DCLK2: variants seen among roughly 807,000 people sequenced by gnomAD.
The protein encoded by DCLK2 is serine/threonine-protein kinase DCLK2.
In DCLK2, 31 loss-of-function variants were observed where a neutral mutation model predicts 78.4. That is an observed-to-expected ratio of 0.40 (90% CI 0.30 to 0.53). The LOEUF (loss-of-function observed/expected upper bound fraction) is 0.53, where lower values mean the gene tolerates loss of function less well. DCLK2 is among the 20% of genes least tolerant of loss of function. The probability of loss-of-function intolerance (pLI) is 0.61; values close to 1 mark genes in which losing one functional copy is unlikely to be tolerated. For missense variants in DCLK2, 872 were observed against 973.7 expected, an observed-to-expected ratio of 0.90 and a Z score of 1.39; for synonymous variants, 407 against 374.9, an observed-to-expected ratio of 1.09 and a Z score of -0.99.
chr4:150,140,250 GA>G (rs1254163075), intron 2 of DCLK2, among the ~76,000 whole-genome samples: 4 of 152,190 alleles, frequency 2.6e-5, no homozygotes, highest in African/African-American at 9.7e-5. Flanking sequence ...TTGTTATTAT[GA>G]TACCTTATTC....
intron 2 of DCLK2, among the ~76,000 whole-genome samples, chr4:150,178,542 AAT>A (rs1381566772): frequency 2.0e-5 from 3 of 152,038 alleles, no homozygotes; most frequent in Admixed American, 2.0e-4. Context: ...AAAAAAAAAA[AAT>A]CTTATTGCTT....
intron 2 of DCLK2, among the ~76,000 whole-genome samples, chr4:150,152,660 G>T (rs770063947): frequency 3.3e-5 from 5 of 152,176 alleles, no homozygotes; most frequent in Non-Finnish European, 7.3e-5. Flanking sequence ...CCCATGTACT[G>T]CCCTGAGAGA....
At chr4:150,173,809 G>C (rs1049302649) in intron 2 of DCLK2, among the ~76,000 whole-genome samples, 2 of 152,134 alleles carry the variant, frequency 1.3e-5, no homozygotes, top group Non-Finnish European at 2.9e-5. Context: ...AGAGAAAAGA[G>C]AGCCAAGCCA....
intron 4 of DCLK2, among the ~76,000 whole-genome samples, chr4:150,203,300 A>G (rs991200611): frequency 6.6e-6 from 1 of 152,228 alleles, no homozygotes; most frequent in African/African-American, 2.4e-5. Context: ...TTCCCTTTTC[A>G]TTAAGAAAAT....
intron 1 of DCLK2, among the ~76,000 whole-genome samples, chr4:150,081,566 A>G (rs1381035742): frequency 6.6e-6 from 1 of 152,194 alleles, no homozygotes; most frequent in Non-Finnish European, 1.5e-5. Flanking sequence ...TTTTAATACA[A>G]TAAAATTACT....
chr4:150,174,609 G>C (rs1272532548), intron 2 of DCLK2, among the ~76,000 whole-genome samples: 1 of 151,902 alleles, frequency 6.6e-6, no homozygotes, highest in East Asian at 1.9e-4. Flanking sequence ...GGATCACGAG[G>C]TCAGGAGTTC....
chr4:150,123,038 G>A (rs955440435), intron 2 of DCLK2, among the ~76,000 whole-genome samples: 4 of 152,200 alleles, frequency 2.6e-5, no homozygotes, highest in African/African-American at 9.6e-5. Context: ...GAATGTTGTA[G>A]CTGGATTGAT....
chr4:150,116,105 C>A (rs1732066643), intron 2 of DCLK2, among the ~76,000 whole-genome samples: 2 of 152,178 alleles, frequency 1.3e-5, no homozygotes, highest in Admixed American at 1.3e-4. Context: ...AGGCATGTTG[C>A]TGTTCTATGT....
intron 12 of DCLK2, among the ~76,000 whole-genome samples, chr4:150,245,637 G>A (rs1417686825): frequency 3.9e-5 from 6 of 152,142 alleles, no homozygotes; most frequent in South Asian, 4.2e-4. Context: ...TTGTCCTTGC[G>A]ATAGTTTGCT....
intron 15 of DCLK2, among the ~76,000 whole-genome samples, chr4:150,255,602 TGCGGG>T (rs1744501361): frequency 1.3e-5 from 2 of 152,240 alleles, no homozygotes; most frequent in Non-Finnish European, 2.9e-5. Context: ...TCACAGGACA[TGCGGG>T]TAACTTTTCA....
At chr4:150,143,013 A>G (rs1734217791) in intron 2 of DCLK2, among the ~76,000 whole-genome samples, 1 of 152,060 alleles carries the variant, frequency 6.6e-6, no homozygotes, top group Non-Finnish European at 1.5e-5. Context: ...GCTCCCACTT[A>G]TAAGTGAGAA....
intron 2 of DCLK2, among the ~76,000 whole-genome samples, chr4:150,165,454 A>G (rs936995312): frequency 1.3e-4 from 20 of 152,022 alleles, no homozygotes; most frequent in South Asian, 1.0e-3. Context: ...ATTTGCTCCA[A>G]TTGCTAAAGA....
intron 2 of DCLK2, among the ~76,000 whole-genome samples, chr4:150,163,631 T>A (rs1285575832): frequency 1.3e-5 from 2 of 152,200 alleles, no homozygotes; most frequent in Non-Finnish European, 2.9e-5. Context: ...TTAAATAAGA[T>A]ACTATCTAGA....
chr4:150,199,804 G>A lies in DCLK2; in HGVS notation c.961+1701G>A, dbSNP rs559302485. ...GACCTGGGTTAATCAAAGAGTAGATGTAGTTTTGGTGATAGCTTTACAGAT... is the reference window on the plus strand; with the variant it reads ...GACCTGGGTTAATCAAAGAGTAGATATAGTTTTGGTGATAGCTTTACAGAT... On this transcript the variant is annotated intron_variant, in intron 4 of 15. Coordinates refer to ENST00000296550, the MANE Select transcript of DCLK2 (RefSeq NM_001040260.4). Among the ~76,000 whole-genome samples, 98 of 152,316 alleles carry A rather than the reference G, an allele frequency of 6.4e-4. 2 individuals are homozygous for A. Among genetic ancestry groups the A allele is most frequent in the African/African-American group, 2.2e-3 (92 of 41,570 alleles).
In DCLK2 at chr4:150,094,983, C is replaced by T. The variant is rs541484546; in HGVS notation, c.422-7495C>T. On this transcript the variant is annotated intron_variant, in intron 1 of 15. Coordinates refer to ENST00000296550, the MANE Select transcript of DCLK2 (RefSeq NM_001040260.4). ...GGTGTCTGTACTTATGCAACAAAAT[C>T]ACCTGATTTTTAAAGAAATTCTCCA... 8.5e-5 allele frequency among the ~76,000 whole-genome samples: 13 copies of T among 152,272 alleles called. No individual in the cohort carries two copies. The South Asian group carries it at 2.7e-3, about 32-fold the overall frequency.
chr4:150,125,489 A>T (rs1732857124), intron 2 of DCLK2, among the ~76,000 whole-genome samples: 1 of 152,246 alleles, frequency 6.6e-6, no homozygotes, highest in Non-Finnish European at 1.5e-5. Context: ...AAACATTTCC[A>T]AAGTTTTATA....
intron 15 of DCLK2, among the ~76,000 whole-genome samples, chr4:150,250,291 G>A (rs1743667038): frequency 6.6e-6 from 1 of 152,030 alleles, no homozygotes; most frequent in Non-Finnish European, 1.5e-5. Context: ...TGTTTCTTAA[G>A]GCAACTCTCC....
At position 150,175,119 on chromosome 4, in the gene DCLK2, T is replaced by TTATATA. The variant is rs1254162898; in HGVS notation, c.757-18018_757-18017insATATAT. ...TTATATATATTTATATATTTATATTTTTTATATATATATAATTTATGTATA... is the reference window on the plus strand; with the variant it reads ...TTATATATATTTATATATTTATATTTTATATATTTATATATATATAATTTATGTATA... On this transcript the variant is annotated intron_variant, in intron 2 of 15. Coordinates refer to ENST00000296550, the MANE Select transcript of DCLK2 (RefSeq NM_001040260.4). 9.2e-4 allele frequency among the ~76,000 whole-genome samples: 91 copies of TTATATA among 98,750 alleles called. 19 individuals are homozygous for TTATATA. The highest frequency in any genetic ancestry group is 2.6e-3 in the African/African-American group (48 of 18,734). The allele number at this position is 98,750 out of a possible 152,430, so 64.8% of individuals were successfully genotyped here. A position where few individuals can be genotyped will look rare whatever the true frequency, so the allele number is the denominator to read the frequency against.
At chr4:150,194,260 T>G (rs922361072) in intron 3 of DCLK2, among the ~76,000 whole-genome samples, 1 of 152,160 alleles carries the variant, frequency 6.6e-6, no homozygotes, top group Non-Finnish European at 1.5e-5. Flanking sequence ...TATACAGGTT[T>G]GTAGCCCAGG....
Sources: allele counts gnomAD v4.1 joint callset (sites outside exome capture counted in the v4.1 genomes callset), GRCh38; gene constraint gnomAD v4.1.1; transcripts MANE v1.5; gene names NCBI Gene and HGNC (gene_info 2026-07-23, HGNC 2026-07-21).